Variants in ATP2C1 observed in about 807,000 individuals in gnomAD.
ATP2C1 encodes the protein ATPase secretory pathway Ca2+ transporting 1.
A neutral mutation model predicts 120.5 loss-of-function variants in ATP2C1; 31 were observed. That is an observed-to-expected ratio of 0.26 (90% CI 0.19 to 0.35). The LOEUF (loss-of-function observed/expected upper bound fraction) is 0.35, where lower values mean the gene tolerates loss of function less well. ATP2C1 is among the 10% of genes least tolerant of loss of function. The pLI is 1.00. For synonymous variants in ATP2C1, 351 were observed against 358.7 expected (o/e 0.98, Z 0.24); for missense variants, 731 against 1,107.5 (o/e 0.66, Z 4.83).
intron 2 of ATP2C1, among the ~76,000 whole-genome samples, chr3:130,897,819 G>A (rs773096623): frequency 2.0e-5 from 3 of 152,064 alleles, no homozygotes; most frequent in Non-Finnish European, 2.9e-5. Flanking sequence ...CACTAGGAAC[G>A]TTTAAAATGT....
chr3:130,876,047 T>A (rs532868974), intron 1 of ATP2C1, among the ~76,000 whole-genome samples: 1 of 152,224 alleles, frequency 6.6e-6, no homozygotes, highest in Admixed American at 6.5e-5. Flanking sequence ...AGGTAAATAG[T>A]TTGCAAATAT....
chr3:130,974,339 G>C (rs1369442291), intron 17 of ATP2C1, among the ~76,000 whole-genome samples: 3 of 152,176 alleles, frequency 2.0e-5, no homozygotes, highest in Non-Finnish European at 4.4e-5. Flanking sequence ...GTAGTTACTT[G>C]GGAATGCAGG....
chr3:130,929,563 T>C (rs751839793), intron 2 of ATP2C1, among the ~76,000 whole-genome samples: 1 of 152,200 alleles, frequency 6.6e-6, no homozygotes, highest in Non-Finnish European at 1.5e-5. Context: ...ATTATTTTAA[T>C]TGAGTGGATG....
chr3:130,985,054 T>C (rs2061937283), intron 20 of ATP2C1, among the ~76,000 whole-genome samples: 1 of 152,246 alleles, frequency 6.6e-6, no homozygotes, highest in Non-Finnish European at 1.5e-5. Context: ...GGGTCATTTT[T>C]ATCTTTCACA....
At chr3:130,918,386 G>A in intron 2 of ATP2C1, 1 of 1,399,404 alleles carries the variant, frequency 7.1e-7, no homozygotes, top group Non-Finnish European at 1.0e-6. Context: ...TTTTGTTCCA[G>A]GGCTTTCCAG....
At chr3:130,918,011 A>T (rs1252985826) in intron 2 of ATP2C1, among the ~76,000 whole-genome samples, 1 of 152,056 alleles carries the variant, frequency 6.6e-6, no homozygotes, top group African/African-American at 2.4e-5. Context: ...TTTAAATTGT[A>T]AAAGAAATGG....
At chr3:130,972,431 G>A (rs529937560) in intron 17 of ATP2C1, among the ~76,000 whole-genome samples, 88 of 151,496 alleles carry the variant, frequency 5.8e-4, no homozygotes, top group African/African-American at 2.0e-3. Flanking sequence ...CCTTAGCTCT[G>A]CCAGTGCTCA....
At chr3:130,884,923 TTTCTTTC>T (rs1347034261) in intron 1 of ATP2C1, among the ~76,000 whole-genome samples, 4 of 144,104 alleles carry the variant, frequency 2.8e-5, no homozygotes, top group African/African-American at 5.1e-5. Context: ...TTTTCTTTCT[TTTCTTTC>T]TTTTTTTTTT....
chr3:130,988,975 G>A (rs1199261861), intron 20 of ATP2C1, among the ~76,000 whole-genome samples: 2 of 152,106 alleles, frequency 1.3e-5, no homozygotes, highest in African/African-American at 4.8e-5. Flanking sequence ...ACCCTAGGCC[G>A]GGCACGGTGG....
At chr3:130,941,766 A>AT (rs2059931008) in intron 8 of ATP2C1, 67 bp downstream of exon 8, 1 of 1,264,598 alleles carries the variant, frequency 7.9e-7, no homozygotes, top group East Asian at 2.3e-5. Context: ...AAACATTACT[A>AT]GTTTTAAGGA....
At chr3:130,907,154 T>C (rs918790603) in intron 2 of ATP2C1, among the ~76,000 whole-genome samples, 1 of 152,008 alleles carries the variant, frequency 6.6e-6, no homozygotes, top group Non-Finnish European at 1.5e-5. Context: ...TGTACCAGTA[T>C]ACAAAGATGT....
rs1485798519 is a variant in ATP2C1 at position 130,959,334 on chromosome 3, A to G, written c.892A>G (p.Ser298Gly). The G allele has an allele frequency of 5.0e-6, 8 of 1,603,166 alleles. No homozygotes were observed. The East Asian group carries it at 1.8e-4, about 36-fold the overall frequency. Residue 298 changes from serine to glycine, a missense_variant, in exon 12 of 28, where the codon AGT becomes GGT. This residue lies in a region of ATP2C1 where 571 missense variants were observed against 845.9 expected (regional missense o/e 0.67). Transcript: ENST00000510168. ...AGATATCCTGGAAATGTTTACTATTAGTGTAAGGTAAGTCTCAATACTTTA... is the reference window on the plus strand; with the variant it reads ...AGATATCCTGGAAATGTTTACTATTGGTGTAAGGTAAGTCTCAATACTTTA... ...GKDILEMFTI[S>G]VSLAVAAIPE... is the part of the protein sequence containing the mutation.
At chr3:130,998,890 T>C (rs529342509) in intron 26 of ATP2C1, among the ~76,000 whole-genome samples, 1 of 152,304 alleles carries the variant, frequency 6.6e-6, no homozygotes, top group Non-Finnish European at 1.5e-5. Context: ...TCTAAGTGTT[T>C]TGATAGAAAA....
intron 17 of ATP2C1, among the ~76,000 whole-genome samples, chr3:130,972,575 A>T (rs1426088969): frequency 6.8e-6 from 1 of 147,460 alleles, no homozygotes; most frequent in African/African-American, 2.5e-5. Flanking sequence ...TGCACCCATT[A>T]ACTCATCATT....
chr3:130,933,390 C>A (rs2059534164), intron 4 of ATP2C1, among the ~76,000 whole-genome samples: 1 of 152,152 alleles, frequency 6.6e-6, no homozygotes, highest in Non-Finnish European at 1.5e-5. Flanking sequence ...TAATAGCTAA[C>A]ATTTTTAAGA....
Position 130,894,758 on chromosome 3 carries a change from T to C in ATP2C1, c.-12T>C. 6.2e-7 allele frequency: 1 copy of C among 1,614,164 alleles called. No homozygotes were observed. Among genetic ancestry groups the C allele is most frequent in the Admixed American group, 1.7e-5 (1 of 60,016 alleles). ...TTTGTAGCCATCAACCCGAGTGCAG[T>C]TTCGATGGAAAATGAAGGTAAAGGC... On this transcript the variant is annotated 5_prime_UTR_variant, in exon 2 of 28. Coordinates refer to ENST00000510168, the MANE Select transcript of ATP2C1 (RefSeq NM_001378687.1). The surrounding 1 kb of genome is among the most constrained non-coding windows in gnomAD (Gnocchi z 4.5).
At chr3:130,967,097 C>A in intron 14 of ATP2C1, 48 bp from the exon 15 acceptor site, 1 of 1,403,266 alleles carries the variant, frequency 7.1e-7, no homozygotes, top group Non-Finnish European at 1.0e-6. Context: ...TTGTCACCAC[C>A]AAGTGTTTGT....
intron 2 of ATP2C1, among the ~76,000 whole-genome samples, chr3:130,906,129 A>G (rs2058109115): frequency 6.6e-6 from 1 of 152,084 alleles, no homozygotes. Flanking sequence ...TTTAAAGTGT[A>G]TAATTCAGTG....
chr3:131,015,862 G>T, intron 26 of ATP2C1: 1 of 498,678 alleles, frequency 2.0e-6, no homozygotes, highest in Non-Finnish European at 3.7e-6. Context: ...ACCAATGATT[G>T]CCTCCCCTCT....
Sources: allele counts gnomAD v4.1 joint callset (sites outside exome capture counted in the v4.1 genomes callset), GRCh38; gene constraint gnomAD v4.1.1; regional missense constraint gnomAD v4.1.1; non-coding constraint Gnocchi (gnomAD v3.1); transcripts MANE v1.5; gene names NCBI Gene and HGNC (gene_info 2026-07-23, HGNC 2026-07-21).